PCF11: variants seen among roughly 807,000 people sequenced by gnomAD.
The protein encoded by PCF11 is PCF11 cleavage and polyadenylation factor subunit.
In PCF11, 19 loss-of-function variants were observed where a neutral mutation model predicts 166.1. The ratio of observed to expected loss-of-function variants is 0.11; its 90% confidence interval spans 0.08 to 0.17. The LOEUF (loss-of-function observed/expected upper bound fraction) is 0.17. Ranked by LOEUF, PCF11 falls within the 10% of genes least tolerant of loss-of-function variation. The pLI is 1.00. For missense variants in PCF11, 1,565 were observed against 1,855.5 expected (o/e 0.84, Z 2.88); for synonymous variants, 663 against 644.1 (o/e 1.03, Z -0.44).
intron 12 of PCF11, 143 bp downstream of exon 12, chr11:83,181,334 AT>A (rs1483014164): frequency 1.1e-5 from 3 of 269,034 alleles, no homozygotes; most frequent in Admixed American, 1.1e-4. Context: ...TAACATTGAA[AT>A]TTCCTGAATA....
Position 83,181,787 on chromosome 11 carries a change from A to G in PCF11, c.4168-67A>G, listed in dbSNP as rs1204213882. The stretch of plus-strand genomic sequence containing the variant: ...TACCCCTACCTTTAAATGGCATTAT[A>G]TTGAAGATACACAGTAAAAATTTAG... On this transcript the variant is annotated intron_variant, in intron 12 of 15. Coordinates refer to ENST00000298281, the Ensembl canonical transcript of PCF11. The G allele has an allele frequency of 5.3e-6, 6 of 1,127,650 alleles. No individual in the cohort carries two copies. In the East Asian group the frequency reaches 7.9e-5, roughly 15 times the overall value. The allele number at this position is 1,127,650 out of a possible 1,614,324, so 69.9% of individuals were successfully genotyped here.
Position 83,169,575 on chromosome 11 carries a change from A to G in PCF11, c.3240A>G (p.Gly1080=), listed in dbSNP as rs776615139. ...CTCAGAGGTTTGATGGACCACCTGG[A>G]CAGCAGGTTCAACCCAGATTTGACG... Residue 1080 remains glycine, a synonymous_variant, in exon 8 of 16, where the codon GGA becomes GGG. Transcript: ENST00000298281. 8.1e-6 allele frequency: 13 copies of G among 1,613,990 alleles called. No individual in the cohort carries two copies. In the East Asian group the frequency reaches 2.5e-4, roughly 30 times the overall value.
chr11:83,173,580 G>T (rs1860765024), intron 9 of PCF11, among the ~76,000 whole-genome samples: 1 of 149,044 alleles, frequency 6.7e-6, no homozygotes, highest in South Asian at 2.1e-4. Context: ...TTTGTAACTT[G>T]TAACTTGTCA....
At chr11:83,185,242 T>C (rs953520352) in exon 16 of PCF11, 1 of 163,144 alleles carries the variant, frequency 6.1e-6, no homozygotes, top group Admixed American at 6.5e-5. Context: ...TCAAATAGTT[T>C]CTGTACTTTT....
exon 8 of PCF11, chr11:83,169,567 C>G: frequency 1.2e-6 from 2 of 1,613,920 alleles, no homozygotes; most frequent in Non-Finnish European, 8.5e-7. Context: ...GTTTGATGGA[C>G]CACCTGGACA....
chr11:83,158,620 C>T (rs1460764284), intron 1 of PCF11: 1 of 152,190 alleles, frequency 6.6e-6, no homozygotes, highest in Non-Finnish European at 1.5e-5. Flanking sequence ...GTTTTAATAG[C>T]GTCCCAGTGC....
At chr11:83,166,755 T>C (rs780983776) in intron 5 of PCF11, 41 bp downstream of exon 5, 2 of 1,495,702 alleles carry the variant, frequency 1.3e-6, no homozygotes, top group Non-Finnish European at 1.8e-6. Context: ...GTAGTGTATA[T>C]GTTTCAAAAG....
intron 1 of PCF11, among the ~76,000 whole-genome samples, chr11:83,159,734 A>G (rs996849334): frequency 6.6e-6 from 1 of 152,170 alleles, no homozygotes; most frequent in African/African-American, 2.4e-5. Flanking sequence ...TTTGGTAGCA[A>G]ACTGGCCTGG....
At chr11:83,168,896 T>G (rs772936897) in exon 8 of PCF11, 1 of 1,613,688 alleles carries the variant, frequency 6.2e-7, no homozygotes, top group South Asian at 1.1e-5. Flanking sequence ...TCCCCTGGTC[T>G]GAGGTTTGAG....
At position 83,183,081 on chromosome 11, in the gene PCF11, C is replaced by T; in HGVS notation, c.4452+8C>T. ...TATGAAGATTATCAAAATGTAAGTT[C>T]TTTTTGGTTACTGTATTTGTTCTCA... On this transcript the variant is annotated splice_region_variant and intron_variant, in intron 15 of 15. Transcript: ENST00000298281. The T allele has an allele frequency of 6.9e-7, 1 of 1,451,748 alleles. No homozygotes were observed. Among genetic ancestry groups the T allele is most frequent in the African/African-American group, 1.4e-5 (1 of 70,522 alleles). 89.9% of individuals were successfully genotyped at this position (1,451,748 alleles called of 1,614,324 possible). A position where few individuals can be genotyped will look rare whatever the true frequency, so the allele number is the denominator to read the frequency against.
exon 8 of PCF11, chr11:83,169,139 G>A (rs777953210): frequency 6.2e-7 from 1 of 1,613,808 alleles, no homozygotes; most frequent in South Asian, 1.1e-5. Context: ...GGACCTCATG[G>A]TCAGCCAGGA....
chr11:83,185,261 A>G (rs571486208), exon 16 of PCF11: 2 of 158,830 alleles, frequency 1.3e-5, no homozygotes, highest in East Asian at 3.7e-4. Context: ...TTTATTGGGT[A>G]AAAATGGAAT....
At chr11:83,186,601 G>C (rs1861299629) in exon 16 of PCF11, 1 of 152,206 alleles carries the variant, frequency 6.6e-6, no homozygotes, top group African/African-American at 2.4e-5. Context: ...CTGATGACCA[G>C]AGCAGCCACT....
At position 83,166,596 on chromosome 11, in the gene PCF11, C is replaced by G. The variant is rs995880903; in HGVS notation, c.1699C>G (p.Gln567Glu). 3.1e-6 allele frequency: 5 copies of G among 1,613,886 alleles called. No individual in the cohort carries two copies. Among genetic ancestry groups the G allele is most frequent in the Non-Finnish European group, 3.4e-6 (4 of 1,179,864 alleles). Residue 567 changes from glutamine (Q) to glutamate (E), a missense_variant, in exon 5 of 16, where the codon CAA (glutamine) becomes GAA (glutamate). Gln to Glu is a conservative substitution (Grantham distance 29, BLOSUM62 2). This residue lies in a region of PCF11 where 468 missense variants were observed against 483.4 expected (regional missense o/e 0.97). Transcript: ENST00000298281. ...GAAAAAGACTGAAGAGGAGCGACCA[C>G]AAGAAACTACAAATCAGCATTCTAC...
chr11:83,169,316 G>C (rs1453905879), exon 8 of PCF11: 1 of 1,611,850 alleles, frequency 6.2e-7, no homozygotes, highest in African/African-American at 1.3e-5. Flanking sequence ...GTTGGTATCA[G>C]GTTTGAAGGC....
intron 11 of PCF11, 118 bp from the exon 12 acceptor site, chr11:83,180,890 C>T (rs11233509): frequency 0.084 from 47,004 of 556,576 alleles, 2,392 homozygotes; most frequent in Middle Eastern, 0.15. Context: ...TTAACTGTTT[C>T]AGCCAGCTCT....
At position 83,164,216 on chromosome 11, in the gene PCF11, C is replaced by G. The variant is rs955559153; in HGVS notation, c.517C>G (p.Pro173Ala). 10 of 1,606,416 alleles carry G rather than the reference C, an allele frequency of 6.2e-6. No individual in the cohort carries two copies. Among genetic ancestry groups the G allele is most frequent in the Admixed American group, 5.2e-5 (3 of 58,156 alleles). Residue 173 changes from proline to alanine, a missense_variant, in exon 4 of 16, where the codon CCT (proline) becomes GCT (alanine). Physicochemically the swap from Pro to Ala is conservative, Grantham distance 27. Coordinates refer to ENST00000298281, the Ensembl canonical transcript of PCF11. ...TTGTCTTTTCTTATAGCCCGAGGAGCCTTCAACACCTGGTACAGTGGTCAG... is the reference window on the plus strand; with the variant it reads ...TTGTCTTTTCTTATAGCCCGAGGAGGCTTCAACACCTGGTACAGTGGTCAG...
At chr11:83,157,496 T>C (rs1226706046) in exon 1 of PCF11, 1 of 1,613,544 alleles carries the variant, frequency 6.2e-7, no homozygotes, top group East Asian at 2.2e-5. Context: ...AGGACGCCTG[T>C]CGGGATTATC....
intron 8 of PCF11, 24 bp downstream of exon 8, chr11:83,170,019 CG>C (rs1565156935): frequency 6.5e-7 from 1 of 1,529,612 alleles, no homozygotes; most frequent in Admixed American, 2.2e-5. Context: ...TCTAAAATTG[CG>C]TTGTATGCAG....
Sources: gnomAD v4.1 joint callset for allele counts (sites outside exome capture counted in the v4.1 genomes callset) on GRCh38, gnomAD v4.1.1 for gene constraint, gnomAD v4.1.1 regional missense constraint, MANE v1.5 for transcripts, NCBI Gene and HGNC (gene_info 2026-07-23, HGNC 2026-07-21) for gene names.